Variants in MFAP4 observed in about 807,000 individuals in gnomAD.
MFAP4 encodes microfibril associated protein 4, also known as microfibril-associated glycoprotein 4.
Under a neutral mutation model 32.4 loss-of-function variants are expected in MFAP4, and 20 were observed. The ratio of observed to expected loss-of-function variants is 0.62; its 90% CI spans 0.43 to 0.90. The LOEUF is 0.90. Among genes scored for constraint, MFAP4 ranks in the 40% least tolerant of loss-of-function variants. The pLI is 0.00. For missense variants in MFAP4, 267 were observed against 329.5 expected, an observed-to-expected ratio of 0.81 and a Z score of 1.47; for synonymous variants, 146 against 137.4, an observed-to-expected ratio of 1.06 and a Z score of -0.44.
chr17:19,384,364 C>G lies in MFAP4; in HGVS notation c.*98G>C, dbSNP rs113382414. On this transcript the variant is annotated 3_prime_UTR_variant, in exon 6 of 6. Coordinates refer to ENST00000299610, the MANE Select transcript of MFAP4 (RefSeq NM_002404.3). ...GGCCCCCTTGTAAGGAGTTGGTGCT[C>G]GGGAATCAGCAGAAGCATGCATCAG... 1.4e-6 allele frequency: 2 copies of G among 1,403,070 alleles called. No individual in the cohort carries two copies. The highest frequency in any genetic ancestry group is 1.4e-5 in the African/African-American group (1 of 69,652). 86.9% of individuals were successfully genotyped at this position (1,403,070 alleles called of 1,614,324 possible).
intron 5 of MFAP4, 116 bp downstream of exon 5, chr17:19,384,983 T>G: frequency 7.4e-7 from 1 of 1,356,972 alleles, no homozygotes; most frequent in Non-Finnish European, 1.0e-6. Flanking sequence ...GCTGTGGCCC[T>G]TCCAGATCCA....
At chr17:19,386,242 T>C in intron 3 of MFAP4, 68 bp downstream of exon 3, 1 of 1,388,666 alleles carries the variant, frequency 7.2e-7, no homozygotes, top group South Asian at 1.4e-5. Flanking sequence ...GGTTCGCATA[T>C]GTGAAGCCCA....
chr17:19,387,135 C>T lies in MFAP4; in HGVS notation c.6+15G>A, dbSNP rs1913072663. On this transcript the variant is annotated intron_variant, in intron 1 of 5. Transcript: ENST00000299610. Reference sequence around the variant, plus strand: ...TTCCCCCATGCTATGAGTCCCCCGACCCTGGGCCCCGTACCTTCATGCTGT... The same window carrying T: ...TTCCCCCATGCTATGAGTCCCCCGATCCTGGGCCCCGTACCTTCATGCTGT... The T allele has an allele frequency of 6.2e-7, 1 of 1,611,732 alleles. No individual in the cohort carries two copies. The highest frequency in any genetic ancestry group is 1.1e-5 in the South Asian group (1 of 90,986).
At chr17:19,386,632 C>T (rs1395540603) in intron 2 of MFAP4, 128 bp downstream of exon 2, 5 of 1,265,412 alleles carry the variant, frequency 4.0e-6, no homozygotes, top group South Asian at 2.6e-5. Context: ...CCATCTGCCC[C>T]ATTTTGTAAA....
intron 2 of MFAP4, 28 bp from the exon 3 acceptor site, chr17:19,386,492 G>A (rs376654822): frequency 5.6e-6 from 9 of 1,598,822 alleles, no homozygotes; most frequent in Non-Finnish European, 7.7e-6. Flanking sequence ...GGGACAGTGA[G>A]GAGAGTGGGA....
chr17:19,386,539 G>T, intron 2 of MFAP4, 75 bp from the exon 3 acceptor site: 1 of 1,523,010 alleles, frequency 6.6e-7, no homozygotes, highest in Non-Finnish European at 9.0e-7. Context: ...CCCAAGGTTT[G>T]CCTCAGTCCC....
At position 19,383,944 on chromosome 17, in the gene MFAP4, G is replaced by GT; in HGVS notation, c.*517dup. ...GTACTCACCACAGGGGAGTAAGTTG[G>GT]TGGGAGGGATGCTGAAGATGGGACA... On this transcript the variant is annotated 3_prime_UTR_variant, in exon 6 of 6. Transcript: ENST00000299610. The GT allele has an allele frequency of 6.2e-6, 1 of 162,270 alleles. No homozygotes were observed. The highest frequency in any genetic ancestry group is 3.2e-3 in the Middle Eastern group (1 of 308). 10.1% of individuals were successfully genotyped at this position (162,270 alleles called of 1,614,324 possible).
chr17:19,385,636 C>T (rs1361243191), intron 3 of MFAP4, among the ~76,000 whole-genome samples, 182 bp from the exon 4 acceptor site: 2 of 152,134 alleles, frequency 1.3e-5, no homozygotes, highest in Non-Finnish European at 2.9e-5. Flanking sequence ...GGCACCAGGC[C>T]CCCTGTGGAG....
At chr17:19,386,602 A>G in intron 2 of MFAP4, 138 bp from the exon 3 acceptor site, 1 of 1,245,572 alleles carries the variant, frequency 8.0e-7, no homozygotes, top group Non-Finnish European at 1.1e-6. Context: ...TTCAAGGGAG[A>G]TGAGCAATGC....
intron 1 of MFAP4, 134 bp from the exon 2 acceptor site, chr17:19,386,972 T>TGCCGGGGC: frequency 1.5e-5 from 14 of 936,994 alleles, no homozygotes; most frequent in Non-Finnish European, 1.9e-5. Context: ...TGGCCCCTCT[T>TGCCGGGGC]CCCTGCCCCC....
chr17:19,384,877 G>T (rs1309827724), intron 5 of MFAP4, among the ~76,000 whole-genome samples, 168 bp from the exon 6 acceptor site: 1 of 152,264 alleles, frequency 6.6e-6, no homozygotes, highest in Non-Finnish European at 1.5e-5. Context: ...GCAATGAAGA[G>T]AAACAGCTGC....
intron 3 of MFAP4, 76 bp from the exon 4 acceptor site, chr17:19,385,530 G>T: frequency 8.2e-7 from 1 of 1,225,004 alleles, no homozygotes; most frequent in Non-Finnish European, 1.2e-6. Flanking sequence ...CCCACCTCAA[G>T]CATGGACCCT....
chr17:19,386,615 A>G (rs531845604), intron 2 of MFAP4, 145 bp downstream of exon 2: 1 of 1,226,860 alleles, frequency 8.2e-7, no homozygotes, highest in African/African-American at 1.5e-5. Flanking sequence ...AGCAATGCTT[A>G]TGTCATCCAT....
In MFAP4 at chr17:19,384,647, A is replaced by G; in HGVS notation, c.583T>C (p.Phe195Leu). ...FSTFDRDQDL[F>L]VQNCAALSSG... Reference sequence around the variant, plus strand: ...GAGAGAGCTGCGCAGTTCTGCACAAAGAGGTCCTGGTCCCGGTCGAAGGTA... The same window carrying G: ...GAGAGAGCTGCGCAGTTCTGCACAAGGAGGTCCTGGTCCCGGTCGAAGGTA... Residue 195 changes from phenylalanine (F) to leucine (L), a missense_variant, in exon 6 of 6, where the codon TTT becomes CTT. This residue lies in a region of MFAP4 where 223 missense variants were observed against 253.3 expected (regional missense o/e 0.88). Coordinates refer to ENST00000299610, the MANE Select transcript of MFAP4 (RefSeq NM_002404.3). 2 of 1,614,188 alleles carry G rather than the reference A, an allele frequency of 1.2e-6. No homozygotes were observed. The highest frequency in any genetic ancestry group is 1.7e-6 in the Non-Finnish European group (2 of 1,180,018).
chr17:19,386,979 C>T, intron 1 of MFAP4, 141 bp from the exon 2 acceptor site: 1 of 477,368 alleles, frequency 2.1e-6, no homozygotes, highest in South Asian at 1.6e-5. Context: ...TCTTCCCTGC[C>T]CCCCCACCCC....
At chr17:19,386,972 T>TGCCGGGCCCCCCCCCC in intron 1 of MFAP4, 134 bp from the exon 2 acceptor site, 1 of 937,012 alleles carries the variant, frequency 1.1e-6, no homozygotes, top group Non-Finnish European at 1.7e-6. Context: ...TGGCCCCTCT[T>TGCCGGGCCCCCCCCCC]CCCTGCCCCC....
In MFAP4 at chr17:19,386,393, C is replaced by T. The variant is rs749288701; in HGVS notation, c.157G>A (p.Gly53Ser). The change falls in exon 3 of 6, where the codon GGC becomes AGC. Residue 53 changes from glycine to serine, a missense_variant. Coordinates refer to ENST00000299610, the MANE Select transcript of MFAP4 (RefSeq NM_002404.3). Reference sequence around the variant, plus strand: ...CCCGAGGGGTAGATGAGGTACACGCCGTCTGACTGGTAGCCCTGGGCATAG... The same window carrying T: ...CCCGAGGGGTAGATGAGGTACACGCTGTCTGACTGGTAGCCCTGGGCATAG... Reference protein sequence around the residue: ...DIYAQGYQSDGVYLIYPSGPS... With the variant: ...DIYAQGYQSDSVYLIYPSGPS... 46 of 1,613,904 alleles carry T rather than the reference C, an allele frequency of 2.9e-5. No homozygotes were observed. Among genetic ancestry groups the T allele is most frequent in the South Asian group, 3.3e-5 (3 of 91,038 alleles).
In MFAP4 at chr17:19,384,271, G is replaced by A; in HGVS notation, c.*191C>T. ...GCAGTGTAACTTCAGGTGTAGGGGAGCCGGGTCTGGCTTAGGAATGGATGC... is the reference window on the plus strand; with the variant it reads ...GCAGTGTAACTTCAGGTGTAGGGGAACCGGGTCTGGCTTAGGAATGGATGC... On this transcript the variant is annotated 3_prime_UTR_variant, in exon 6 of 6. Transcript: ENST00000299610. 1.5e-6 allele frequency: 1 copy of A among 649,798 alleles called. No individual in the cohort carries two copies. The allele number at this position is 649,798 out of a possible 1,614,324, so 40.3% of individuals were successfully genotyped here.
chr17:19,386,972 T>TGCGGGGGGGCCCCCCCCCCCC, intron 1 of MFAP4, 134 bp from the exon 2 acceptor site: 1 of 937,012 alleles, frequency 1.1e-6, no homozygotes, highest in Non-Finnish European at 1.7e-6. Context: ...TGGCCCCTCT[T>TGCGGGGGGGCCCCCCCCCCCC]CCCTGCCCCC....
Sources: allele counts gnomAD v4.1 joint callset (sites outside exome capture counted in the v4.1 genomes callset), GRCh38; gene constraint gnomAD v4.1.1; regional missense constraint gnomAD v4.1.1; transcripts MANE v1.5; gene names NCBI Gene and HGNC (gene_info 2026-07-23, HGNC 2026-07-21).